POFUT2: variants seen among roughly 807,000 people sequenced by gnomAD.
POFUT2 encodes the protein GDP-fucose protein O-fucosyltransferase 2.
A neutral mutation model predicts 55.0 loss-of-function variants in POFUT2; 30 were observed. The ratio of observed to expected loss-of-function variants is 0.55; its 90% CI spans 0.41 to 0.74. The LOEUF is 0.74. POFUT2 is among the 30% of genes least tolerant of loss of function. The pLI is 0.00. For missense variants in POFUT2, 524 were observed against 562.6 expected, an observed-to-expected ratio of 0.93 and a Z score of 0.69; for synonymous variants, 267 against 231.1, an observed-to-expected ratio of 1.16 and a Z score of -1.41.
At chr21:45,279,193 C>A (rs924151457) in intron 4 of POFUT2, among the ~76,000 whole-genome samples, 2 of 117,874 alleles carry the variant, frequency 1.7e-5, no homozygotes, top group African/African-American at 4.1e-5. Flanking sequence ...AGATCGAGAC[C>A]ATCCTGGCTA....
At chr21:45,275,644 C>G (rs2093256250) in intron 6 of POFUT2, among the ~76,000 whole-genome samples, 1 of 152,144 alleles carries the variant, frequency 6.6e-6, no homozygotes, top group Admixed American at 6.5e-5. Context: ...TGAAGTAACT[C>G]AGGAATGGAA....
intron 4 of POFUT2, 126 bp from the exon 5 acceptor site, chr21:45,278,295 A>G: frequency 1.2e-6 from 1 of 819,040 alleles, no homozygotes. Flanking sequence ...GAGGGACACT[A>G]ACCAGGGCGC....
chr21:45,272,372 C>T (rs7279136), intron 6 of POFUT2, among the ~76,000 whole-genome samples: 45,406 of 152,012 alleles, frequency 0.3, 6,981 homozygotes, highest in East Asian at 0.44. Flanking sequence ...CCTAATTATA[C>T]ATGCACCTAA....
At chr21:45,287,666 G>T in intron 1 of POFUT2, 75 bp downstream of exon 1, 1 of 153,798 alleles carries the variant, frequency 6.5e-6, no homozygotes, top group Non-Finnish European at 1.0e-5. Flanking sequence ...CCCTGACCCC[G>T]CCCCGCCCCC....
chr21:45,286,059 G>GT, intron 1 of POFUT2, 131 bp from the exon 2 acceptor site: 1 of 740,662 alleles, frequency 1.4e-6, no homozygotes, highest in Non-Finnish European at 2.2e-6. Context: ...TGTGAAGGCA[G>GT]TGAGTGGCCT....
In POFUT2 at chr21:45,284,393, G is replaced by A. The variant is rs1434236016; in HGVS notation, c.383-866C>T. On this transcript the variant is annotated intron_variant, in intron 2 of 8. Transcript: ENST00000349485. The surrounding 1 kb of genome is among the most constrained non-coding windows in gnomAD (Gnocchi z 5.8). ...GTGGGAGGTGGTGAAGATCCTGCAC[G>A]CTGGGCGCTATGTCAGCCACATCAG... is the stretch of plus-strand genomic sequence containing the variant. Among the ~76,000 whole-genome samples the A allele has an allele frequency of 3.3e-5, 5 of 152,198 alleles. No homozygotes were observed. Among genetic ancestry groups the A allele is most frequent in the South Asian group, 4.1e-4 (2 of 4,838 alleles).
chr21:45,276,942 ATGGAAGGCCTGAGTG>A lies in POFUT2; in HGVS notation c.831+60_831+74del, dbSNP rs377259954. On this transcript the variant is annotated intron_variant, in intron 6 of 8. Transcript: ENST00000349485. ...CACGCCAACCCTGCTGTGACTTTACATGGAAGGCCTGAGTGTGGGGCATCTCCAGAGAGACTTTAC... is the reference window on the plus strand; with the variant it reads ...CACGCCAACCCTGCTGTGACTTTACATGGGGCATCTCCAGAGAGACTTTAC... 19 of 1,518,654 alleles carry A rather than the reference ATGGAAGGCCTGAGTG, an allele frequency of 1.3e-5. No individual in the cohort carries two copies. The African/African-American group carries it at 2.5e-4, about 20-fold the overall frequency. 94.1% of individuals were successfully genotyped at this position (1,518,654 alleles called of 1,614,324 possible). A position where few individuals can be genotyped will look rare whatever the true frequency, so the allele number is the denominator to read the frequency against.
chr21:45,279,940 T>C (rs975621175), intron 4 of POFUT2, among the ~76,000 whole-genome samples: 3 of 152,206 alleles, frequency 2.0e-5, no homozygotes, highest in Non-Finnish European at 4.4e-5. Context: ...CAGGCGGCCA[T>C]GTGAGGCGAT....
chr21:45,268,352 G>T (rs1181509398), intron 7 of POFUT2, among the ~76,000 whole-genome samples: 1 of 152,058 alleles, frequency 6.6e-6, no homozygotes, highest in African/African-American at 2.4e-5. Context: ...CCTCCCAGCC[G>T]CCTGCCTTGG....
chr21:45,267,505 C>A lies in POFUT2; in HGVS notation c.1136+85G>T. On this transcript the variant is annotated intron_variant, in intron 8 of 8. Coordinates refer to ENST00000349485, the MANE Select transcript of POFUT2 (RefSeq NM_133635.6). The surrounding 1 kb of genome is among the most constrained non-coding windows in gnomAD (Gnocchi z 4.4). ...GACCACTGTGAACACAGGCGACCAT[C>A]TGCTCTGACACCGAGTACTTGGGAC... The A allele has an allele frequency of 6.2e-7, 1 of 1,614,186 alleles. No homozygotes were observed. The highest frequency in any genetic ancestry group is 8.5e-7 in the Non-Finnish European group (1 of 1,180,038).
In POFUT2 at chr21:45,284,985, T is replaced by C. The variant is rs1379699771; in HGVS notation, c.382+693A>G. Among the ~76,000 whole-genome samples the C allele has an allele frequency of 6.6e-6, 1 of 152,146 alleles. No individual in the cohort carries two copies. The highest frequency in any genetic ancestry group is 1.5e-5 in the Non-Finnish European group (1 of 68,034). ...CGAGAACCACATCCTTGAAAAATGA[T>C]GACACGGGAGCCACACTCCTTGGCA... On this transcript the variant is annotated intron_variant, in intron 2 of 8. Coordinates refer to ENST00000349485, the MANE Select transcript of POFUT2 (RefSeq NM_133635.6). The surrounding 1 kb of genome is among the most constrained non-coding windows in gnomAD (Gnocchi z 5.8).
chr21:45,276,069 A>G (rs1167576119), intron 6 of POFUT2, among the ~76,000 whole-genome samples: 1 of 152,080 alleles, frequency 6.6e-6, no homozygotes, highest in African/African-American at 2.4e-5. Context: ...CGCGCCTGTG[A>G]TCCCAGCTAC....
At chr21:45,276,626 G>T (rs1278754997) in intron 6 of POFUT2, among the ~76,000 whole-genome samples, 1 of 152,202 alleles carries the variant, frequency 6.6e-6, no homozygotes, top group Non-Finnish European at 1.5e-5. Context: ...GTGAGTCCAG[G>T]TGAACGCTGC....
At chr21:45,279,459 T>C (rs1050281148) in intron 4 of POFUT2, among the ~76,000 whole-genome samples, 1 of 152,122 alleles carries the variant, frequency 6.6e-6, no homozygotes, top group Admixed American at 6.5e-5. Flanking sequence ...ATGAGCAACA[T>C]ATCTAAGTTG....
At position 45,282,374 on chromosome 21, in the gene POFUT2, G is replaced by A. The variant is rs1206675707; in HGVS notation, c.613C>T (p.Leu205=). 3 of 1,612,916 alleles carry A rather than the reference G, an allele frequency of 1.9e-6. No homozygotes were observed. The highest frequency in any genetic ancestry group is 2.5e-6 in the Non-Finnish European group (3 of 1,179,424). Reference sequence around the variant, plus strand: ...CGGGCTGATGTGTTTCTCAGCAGCAGGGGCGCCACGATGGAGGCTGAGCCC... The same window carrying A: ...CGGGCTGATGTGTTTCTCAGCAGCAAGGGCGCCACGATGGAGGCTGAGCCC... ...VQGSASIVAP[L]LLRNTSARSV... is the part of the protein sequence containing the mutation. The change falls in exon 4 of 9, where the codon CTG becomes TTG. Residue 205 remains leucine (L), a synonymous_variant. Transcript: ENST00000349485. The surrounding 1 kb of genome is among the most constrained non-coding windows in gnomAD (Gnocchi z 4.6).
Position 45,273,866 on chromosome 21 carries a change from G to A in POFUT2, c.831+3151C>T, listed in dbSNP as rs146867644. ...AATCCAAAGCCAACATTATACTGACGGGGGAAAAGTTGAAAGCATTCACCC... is the reference window on the plus strand; with the variant it reads ...AATCCAAAGCCAACATTATACTGACAGGGGAAAAGTTGAAAGCATTCACCC... On this transcript the variant is annotated intron_variant, in intron 6 of 8. Transcript: ENST00000349485. 4.2e-4 allele frequency among the ~76,000 whole-genome samples: 64 copies of A among 152,154 alleles called. No homozygotes were observed. In the East Asian group the frequency reaches 0.011, roughly 27 times the overall value.
intron 1 of POFUT2, among the ~76,000 whole-genome samples, chr21:45,287,223 C>T (rs1280119349): frequency 2.4e-5 from 3 of 124,482 alleles, no homozygotes; most frequent in East Asian, 2.6e-4. Context: ...CTGCCCCTGT[C>T]CCGTCCCCGT....
Position 45,284,392 on chromosome 21 carries a change from C to A in POFUT2, c.383-865G>T, listed in dbSNP as rs780906592. Among the ~76,000 whole-genome samples the A allele has an allele frequency of 3.3e-5, 5 of 152,172 alleles. No homozygotes were observed. ...AGTGGGAGGTGGTGAAGATCCTGCA[C>A]GCTGGGCGCTATGTCAGCCACATCA... On this transcript the variant is annotated intron_variant, in intron 2 of 8. Transcript: ENST00000349485. The surrounding 1 kb of genome is among the most constrained non-coding windows in gnomAD (Gnocchi z 5.8).
chr21:45,267,002 C>G lies in POFUT2; in HGVS notation c.1136+588G>C. 2.9e-6 allele frequency: 3 copies of G among 1,049,448 alleles called. No individual in the cohort carries two copies. Among genetic ancestry groups the G allele is most frequent in the Non-Finnish European group, 3.5e-6 (3 of 869,054 alleles). 65.0% of individuals were successfully genotyped at this position (1,049,448 alleles called of 1,614,324 possible). On this transcript the variant is annotated intron_variant, in intron 8 of 8. Coordinates refer to ENST00000349485, the MANE Select transcript of POFUT2 (RefSeq NM_133635.6). The surrounding 1 kb of genome is among the most constrained non-coding windows in gnomAD (Gnocchi z 4.4). ...CAGAGGAATGACTGCACGCAGGGCC[C>G]ACGCTCCCGGCCTCTGGGACGCTCA...
Sources: allele counts gnomAD v4.1 joint callset (sites outside exome capture counted in the v4.1 genomes callset), GRCh38; gene constraint gnomAD v4.1.1; non-coding constraint Gnocchi (gnomAD v3.1); transcripts MANE v1.5; gene names NCBI Gene and HGNC (gene_info 2026-07-23, HGNC 2026-07-21).